LINGO2: variants seen among roughly 807,000 people sequenced by gnomAD.
The protein encoded by LINGO2 is leucine rich repeat and Ig domain containing 2, also known as leucine-rich repeat and immunoglobulin-like domain-containing nogo receptor-interacting protein 2.
In LINGO2, 14 loss-of-function variants were observed where a neutral mutation model predicts 30.6. The observed-to-expected ratio is 0.46, with a 90% confidence interval of 0.30 to 0.72. The LOEUF (loss-of-function observed/expected upper bound fraction) is 0.72, where lower values mean the gene tolerates loss of function less well. Among genes scored for constraint, LINGO2 ranks in the 30% least tolerant of loss-of-function variants. The pLI is 0.07. For missense variants in LINGO2, 729 were observed against 751.7 expected (o/e 0.97, Z 0.35); for synonymous variants, 317 against 288.5 (o/e 1.10, Z -1.00).
chr9:28,720,209 A>AT, the LINGO2 span, among the ~76,000 whole-genome samples: 1,578 of 152,114 alleles, frequency 0.01, 32 homozygotes, highest in East Asian at 0.084. Context: ...CAAGCACTTC[A>AT]TTTTTTTATA....
intron 4 of LINGO2, among the ~76,000 whole-genome samples, chr9:28,155,609 TCTAA>T (rs1403033791): frequency 6.6e-6 from 1 of 152,206 alleles, no homozygotes; most frequent in African/African-American, 2.4e-5. Flanking sequence ...TTAAGTCATA[TCTAA>T]CTGTTTACAA....
At chr9:29,145,420 GT>G in the LINGO2 span, among the ~76,000 whole-genome samples, 23,188 of 145,564 alleles carry the variant, frequency 0.16, 2,056 homozygotes, top group East Asian at 0.26. Flanking sequence ...AAAAATTAGT[GT>G]TTTTTTTTTT....
At chr9:28,485,908 A>C (rs1239918777) in intron 1 of LINGO2, among the ~76,000 whole-genome samples, 1 of 152,080 alleles carries the variant, frequency 6.6e-6, no homozygotes, top group Non-Finnish European at 1.5e-5. Flanking sequence ...CTTGTTGGCA[A>C]CTGGCATTGA....
At chr9:28,204,915 T>C (rs1820359436) in intron 4 of LINGO2, among the ~76,000 whole-genome samples, 1 of 152,166 alleles carries the variant, frequency 6.6e-6, no homozygotes, top group Admixed American at 6.5e-5. Context: ...TATGGCAGCA[T>C]CAAAACCAGG....
intron 4 of LINGO2, among the ~76,000 whole-genome samples, chr9:28,219,055 C>G (rs148644227): frequency 6.6e-6 from 1 of 152,140 alleles, no homozygotes; most frequent in South Asian, 2.1e-4. Context: ...GGCAGTCACC[C>G]AGTTTTCAGG....
At chr9:29,001,722 AG>A in the LINGO2 span, among the ~76,000 whole-genome samples, 1 of 152,070 alleles carries the variant, frequency 6.6e-6, no homozygotes, top group South Asian at 2.1e-4. Flanking sequence ...CTAAGGATAA[AG>A]ATCTTTACCA....
intron 2 of LINGO2, among the ~76,000 whole-genome samples, chr9:28,460,095 C>G (rs979120772): frequency 6.6e-6 from 1 of 151,966 alleles, no homozygotes; most frequent in Admixed American, 6.6e-5. Context: ...ATTTGAGTGT[C>G]TCTTTTATTT....
chr9:28,407,038 A>G (rs1247620749), intron 2 of LINGO2, among the ~76,000 whole-genome samples: 2 of 152,286 alleles, frequency 1.3e-5, no homozygotes, highest in African/African-American at 4.8e-5. Flanking sequence ...AAGAAAGAAT[A>G]TATGATACTA....
rs1487205574 is a variant in LINGO2, at chr9:27,995,411, CCAGA to C, written c.-36+16940_-36+16943del. On this transcript the variant is annotated intron_variant, in intron 5 of 5. Coordinates refer to ENST00000379992, the Ensembl canonical transcript of LINGO2. Reference sequence around the variant, plus strand: ...GGCCAGCTTTACCCTGCTACCCAAACCAGACAAAGACGAACAATAAAAAACGCTA... The same window carrying C: ...GGCCAGCTTTACCCTGCTACCCAAACCAAAGACGAACAATAAAAAACGCTA... 2.6e-5 allele frequency among the ~76,000 whole-genome samples: 4 copies of C among 152,146 alleles called. No homozygotes were observed. The East Asian group carries it at 5.8e-4, about 22-fold the overall frequency.
At chr9:28,585,399 T>A (rs552163330) in intron 1 of LINGO2, among the ~76,000 whole-genome samples, 1 of 152,098 alleles carries the variant, frequency 6.6e-6, no homozygotes, top group South Asian at 2.1e-4. Context: ...TACCAATTAT[T>A]AGGGAAGATT....
At chr9:28,449,773 A>G (rs1179743195) in intron 2 of LINGO2, among the ~76,000 whole-genome samples, 1 of 152,044 alleles carries the variant, frequency 6.6e-6, no homozygotes, top group Non-Finnish European at 1.5e-5. Context: ...TATTGGTTCA[A>G]TATTATCTAC....
At chr9:28,584,689 A>T (rs1824442453) in intron 1 of LINGO2, among the ~76,000 whole-genome samples, 1 of 152,056 alleles carries the variant, frequency 6.6e-6, no homozygotes, top group South Asian at 2.1e-4. Flanking sequence ...TGAATAATTC[A>T]ATTTTTTACA....
chr9:28,833,169 C>A, the LINGO2 span, among the ~76,000 whole-genome samples: 1 of 152,206 alleles, frequency 6.6e-6, no homozygotes, highest in African/African-American at 2.4e-5. Context: ...CCTAATTTTG[C>A]AAGCTAAAGC....
chr9:28,792,168 T>G, the LINGO2 span, among the ~76,000 whole-genome samples: 1 of 151,864 alleles, frequency 6.6e-6, no homozygotes, highest in Non-Finnish European at 1.5e-5. Flanking sequence ...AGCCTTACTG[T>G]AAATAAAGAT....
intron 1 of LINGO2, among the ~76,000 whole-genome samples, chr9:28,576,614 T>C (rs1824005179): frequency 6.6e-6 from 1 of 152,184 alleles, no homozygotes; most frequent in Non-Finnish European, 1.5e-5. Context: ...TAATTAATAA[T>C]AGTCATACAT....
intron 4 of LINGO2, among the ~76,000 whole-genome samples, chr9:28,234,821 A>G (rs569989979): frequency 6.0e-5 from 9 of 149,104 alleles, no homozygotes; most frequent in Non-Finnish European, 1.0e-4. Flanking sequence ...TGGGACCTCA[A>G]CTTGTGATCG....
chr9:28,992,123 C>A, the LINGO2 span, among the ~76,000 whole-genome samples: 4 of 152,122 alleles, frequency 2.6e-5, no homozygotes, highest in African/African-American at 9.7e-5. Context: ...GGAAACCCAT[C>A]TCATGTGCAG....
At chr9:28,057,321 T>C (rs1159201848) in intron 4 of LINGO2, among the ~76,000 whole-genome samples, 2 of 151,808 alleles carry the variant, frequency 1.3e-5, no homozygotes, top group East Asian at 3.9e-4. Context: ...ACCCTGTTTA[T>C]GATAATGTGT....
intron 4 of LINGO2, among the ~76,000 whole-genome samples, chr9:28,161,532 C>A (rs1446750309): frequency 2.6e-5 from 4 of 152,030 alleles, no homozygotes; most frequent in Non-Finnish European, 5.9e-5. Flanking sequence ...GTATTAGCCT[C>A]ATTTTTATTG....
Sources: gnomAD v4.1 joint callset for allele counts (sites outside exome capture counted in the v4.1 genomes callset) on GRCh38, gnomAD v4.1.1 for gene constraint, MANE v1.5 for transcripts, NCBI Gene and HGNC (gene_info 2026-07-23, HGNC 2026-07-21) for gene names.